JAKMIP2: variants seen among roughly 807,000 people sequenced by gnomAD.
JAKMIP2 encodes the protein janus kinase and microtubule interacting protein 2, also known as janus kinase and microtubule-interacting protein 2.
In JAKMIP2, 25 loss-of-function variants were observed where a neutral mutation model predicts 115.0. That is an observed-to-expected ratio of 0.22 (90% CI 0.16 to 0.30). The LOEUF is 0.30. Among genes scored for constraint, JAKMIP2 ranks in the 10% least tolerant of loss-of-function variants. The pLI, the probability that JAKMIP2 is intolerant of heterozygous loss-of-function variation, is 1.00. For synonymous variants in JAKMIP2, 334 were observed against 343.6 expected, an observed-to-expected ratio of 0.97 and a Z score of 0.31; for missense variants, 642 against 957.6, an observed-to-expected ratio of 0.67 and a Z score of 4.35.
intron 1 of JAKMIP2, among the ~76,000 whole-genome samples, chr5:147,740,551 T>G (rs756339979): frequency 6.6e-6 from 1 of 152,218 alleles, no homozygotes; most frequent in East Asian, 1.9e-4. Flanking sequence ...CCCAAGGGCC[T>G]TCCCCATTGC....
chr5:147,718,724 A>G (rs972169126), intron 1 of JAKMIP2, among the ~76,000 whole-genome samples: 2 of 151,902 alleles, frequency 1.3e-5, no homozygotes, highest in Non-Finnish European at 2.9e-5. Flanking sequence ...TGCGTCTATT[A>G]GATTCTTCTC....
chr5:147,631,155 C>G (rs1275858504), intron 14 of JAKMIP2, among the ~76,000 whole-genome samples: 1 of 152,146 alleles, frequency 6.6e-6, no homozygotes, highest in Non-Finnish European at 1.5e-5. Context: ...TTTGATGCAG[C>G]GTCTTTCTTC....
chr5:147,731,601 A>C (rs1018408532), intron 1 of JAKMIP2, among the ~76,000 whole-genome samples: 1 of 152,204 alleles, frequency 6.6e-6, no homozygotes, highest in African/African-American at 2.4e-5. Context: ...AGTCCCAGCA[A>C]GCACAGCAAT....
intron 21 of JAKMIP2, among the ~76,000 whole-genome samples, chr5:147,600,474 A>C (rs1755639096): frequency 6.6e-6 from 1 of 152,082 alleles, no homozygotes; most frequent in Admixed American, 6.6e-5. Context: ...CTGTTTTCCA[A>C]CTTGCTGTAG....
intron 1 of JAKMIP2, among the ~76,000 whole-genome samples, chr5:147,728,865 C>T (rs750546425): frequency 8.5e-5 from 13 of 152,236 alleles, no homozygotes; most frequent in South Asian, 4.1e-4. Flanking sequence ...ATCCTAGATA[C>T]GGTATGGGGA....
chr5:147,732,550 G>A (rs1753772368), intron 1 of JAKMIP2, among the ~76,000 whole-genome samples: 1 of 152,138 alleles, frequency 6.6e-6, no homozygotes, highest in African/African-American at 2.4e-5. Context: ...CTCAATGGTG[G>A]ATATAGGAGA....
At chr5:147,686,199 T>C (rs190461396) in intron 1 of JAKMIP2, among the ~76,000 whole-genome samples, 4 of 152,306 alleles carry the variant, frequency 2.6e-5, no homozygotes, top group Admixed American at 2.0e-4. Context: ...TTGTCCACGC[T>C]GCAAAACCTG....
chr5:147,610,910 T>C (rs1209132948), intron 20 of JAKMIP2, among the ~76,000 whole-genome samples: 2 of 152,222 alleles, frequency 1.3e-5, no homozygotes, highest in Non-Finnish European at 2.9e-5. Flanking sequence ...ACAGGCAGTC[T>C]GGCTACAGCA....
intron 1 of JAKMIP2, among the ~76,000 whole-genome samples, chr5:147,780,203 TTAAA>T (rs1755708016): frequency 6.6e-6 from 1 of 152,152 alleles, no homozygotes; most frequent in African/African-American, 2.4e-5. Flanking sequence ...TATAATTGTC[TTAAA>T]TAGTGGGGTC....
At chr5:147,744,003 C>T (rs1286289879) in intron 1 of JAKMIP2, among the ~76,000 whole-genome samples, 1 of 33,638 alleles carries the variant, frequency 3.0e-5, no homozygotes, top group Non-Finnish European at 5.2e-5. Context: ...AACTTCTTTC[C>T]TTCCTTCCTT....
intron 10 of JAKMIP2, among the ~76,000 whole-genome samples, chr5:147,638,833 A>C (rs114571236): frequency 0.013 from 1,973 of 152,220 alleles, 23 homozygotes; most frequent in Non-Finnish European, 0.019. Context: ...ACTAAACTAC[A>C]TTTAACTTCT....
chr5:147,661,528 C>A, intron 2 of JAKMIP2, 83 bp from the exon 3 acceptor site: 1 of 1,379,590 alleles, frequency 7.2e-7, no homozygotes, highest in East Asian at 2.3e-5. Flanking sequence ...CAGCTCAGGC[C>A]GCTGTGATCT....
intron 1 of JAKMIP2, among the ~76,000 whole-genome samples, chr5:147,676,061 C>T (rs1759934581): frequency 6.6e-6 from 1 of 152,052 alleles, no homozygotes; most frequent in Admixed American, 6.6e-5. Flanking sequence ...GGACCGGGTG[C>T]GGTGGCTCAC....
chr5:147,770,914 A>G (rs1195527843), intron 1 of JAKMIP2, among the ~76,000 whole-genome samples: 4 of 152,140 alleles, frequency 2.6e-5, no homozygotes. Context: ...CTTAATAGTT[A>G]TTTAAACACA....
intron 1 of JAKMIP2, among the ~76,000 whole-genome samples, chr5:147,729,666 C>T (rs941452075): frequency 2.0e-5 from 3 of 150,392 alleles, no homozygotes; most frequent in Non-Finnish European, 2.9e-5. Context: ...CCCAGCTACT[C>T]GGGAGGCTGA....
chr5:147,732,294 G>A (rs543790514), intron 1 of JAKMIP2, among the ~76,000 whole-genome samples: 25 of 152,278 alleles, frequency 1.6e-4, no homozygotes, highest in African/African-American at 6.0e-4. Context: ...GTGAATCCAT[G>A]TATTTCTTAC....
At chr5:147,772,914 A>G (rs1379351298) in intron 1 of JAKMIP2, among the ~76,000 whole-genome samples, 2 of 152,096 alleles carry the variant, frequency 1.3e-5, no homozygotes, top group African/African-American at 2.4e-5. Context: ...GGATGAAAAT[A>G]CTCAGCGTAC....
chr5:147,745,937 TTTA>T (rs1476547437), intron 1 of JAKMIP2, among the ~76,000 whole-genome samples: 1 of 152,192 alleles, frequency 6.6e-6, no homozygotes, highest in African/African-American at 2.4e-5. Flanking sequence ...GATGTCATGG[TTTA>T]ATAGGAGTAC....
At position 147,639,658 on chromosome 5, in the gene JAKMIP2, T is replaced by G; in HGVS notation, c.1504A>C (p.Ile502Leu). The G allele has an allele frequency of 6.2e-7, 1 of 1,613,620 alleles. No individual in the cohort carries two copies. ...TTGGCTTCTCGTTCAGCGTCGATGA[T>G]GCCTCCCGTCTGCTCCTGTAGGAGG... ...YALLQEQTGG[I>L]IDAEREAKAQ... The change falls in exon 10 of 22, where the codon ATC becomes CTC. Residue 502 changes from isoleucine (I) to leucine (L), a missense_variant. Coordinates refer to ENST00000616793, the MANE Select transcript of JAKMIP2 (RefSeq NM_001270941.2).
Sources: allele counts gnomAD v4.1 joint callset (sites outside exome capture counted in the v4.1 genomes callset), GRCh38; gene constraint gnomAD v4.1.1; transcripts MANE v1.5; gene names NCBI Gene and HGNC (gene_info 2026-07-23, HGNC 2026-07-21).